SEMA5B: variants seen among roughly 807,000 people sequenced by gnomAD.
SEMA5B encodes the protein semaphorin-5B.
A neutral mutation model predicts 135.0 loss-of-function variants in SEMA5B; 66 were observed. That is an observed-to-expected ratio of 0.49 (90% CI 0.40 to 0.60). The LOEUF (loss-of-function observed/expected upper bound fraction) is 0.60, where lower values mean the gene tolerates loss of function less well. SEMA5B is among the 20% of genes least tolerant of loss of function. SEMA5B has a pLI of 0.00. For missense variants in SEMA5B, 1,501 were observed against 1,566.3 expected (o/e 0.96, Z 0.70); for synonymous variants, 690 against 639.5 (o/e 1.08, Z -1.19).
At chr3:123,015,574 G>T (rs1194512781) in intron 1 of SEMA5B, among the ~76,000 whole-genome samples, 2 of 152,214 alleles carry the variant, frequency 1.3e-5, no homozygotes, top group Non-Finnish European at 2.9e-5. Flanking sequence ...GAGGTGGCAG[G>T]CTCATCAACT....
At chr3:122,961,755 C>T (rs1940593586) in intron 1 of SEMA5B, among the ~76,000 whole-genome samples, 1 of 152,198 alleles carries the variant, frequency 6.6e-6, no homozygotes, top group East Asian at 1.9e-4. Context: ...AAAGAGACTA[C>T]AAGCGTGAGC....
chr3:122,923,822 G>A (rs1938493731), intron 9 of SEMA5B, 70 bp from the exon 10 acceptor site: 3 of 1,566,770 alleles, frequency 1.9e-6, no homozygotes, highest in African/African-American at 2.7e-5. Context: ...AAACCCCACA[G>A]CCAGCTGTCA....
chr3:123,025,388 G>T (rs1942774919), intron 1 of SEMA5B, among the ~76,000 whole-genome samples: 1 of 152,178 alleles, frequency 6.6e-6, no homozygotes, highest in African/African-American at 2.4e-5. Flanking sequence ...ATAGACAAGT[G>T]TCTCAGGATC....
chr3:122,936,324 A>G (rs1283049132), intron 5 of SEMA5B, among the ~76,000 whole-genome samples: 3 of 152,174 alleles, frequency 2.0e-5, no homozygotes, highest in Non-Finnish European at 4.4e-5. Flanking sequence ...ACAATGGCTG[A>G]ATGTCAACGC....
rs1249841753 is a variant in SEMA5B, at chr3:122,951,036, C to T, written c.125-2327G>A. 3.3e-5 allele frequency among the ~76,000 whole-genome samples: 5 copies of T among 152,134 alleles called. No individual in the cohort carries two copies. In the East Asian group the frequency reaches 5.8e-4, roughly 18 times the overall value. On this transcript the variant is annotated intron_variant, in intron 2 of 22. Transcript: ENST00000357599. ...GCAGTCTTGACCTCCTGGACTCAAGCGATCCTTCCAGCTCAGCCTCTCTAG... is the reference window on the plus strand; with the variant it reads ...GCAGTCTTGACCTCCTGGACTCAAGTGATCCTTCCAGCTCAGCCTCTCTAG...
chr3:123,021,245 G>A (rs1001641387), intron 1 of SEMA5B, among the ~76,000 whole-genome samples: 2 of 152,140 alleles, frequency 1.3e-5, no homozygotes, highest in Admixed American at 6.5e-5. Context: ...TCCTGCTTTC[G>A]GGCAGAAATA....
At position 123,009,609 on chromosome 3, in the gene SEMA5B, C is replaced by G. The variant is rs115006643; in HGVS notation, c.-39+17855G>C. ...ACAATGCTATTCCATGGTTGCTCCA[C>G]ACAGCACCCAGCCAGTGTCCCTTGC... On this transcript the variant is annotated intron_variant, in intron 1 of 22. Transcript: ENST00000357599. 8.7e-3 allele frequency among the ~76,000 whole-genome samples: 1,320 copies of G among 152,264 alleles called. 16 individuals are homozygous for G. Among genetic ancestry groups the G allele is most frequent in the African/African-American group, 0.028 (1,175 of 41,546 alleles).
chr3:122,911,297 G>C, intron 21 of SEMA5B, 194 bp downstream of exon 21: 1 of 1,469,196 alleles, frequency 6.8e-7, no homozygotes, highest in Non-Finnish European at 9.1e-7. Context: ...CTTGGGTACA[G>C]ACTGATGATG....
At chr3:122,988,087 G>T (rs1337899438) in intron 1 of SEMA5B, among the ~76,000 whole-genome samples, 2 of 152,068 alleles carry the variant, frequency 1.3e-5, no homozygotes, top group Non-Finnish European at 2.9e-5. Flanking sequence ...CCTGGCTGCT[G>T]GCCCCCAGCC....
chr3:122,951,516 C>A (rs1450229625), intron 2 of SEMA5B, among the ~76,000 whole-genome samples: 1 of 152,218 alleles, frequency 6.6e-6, no homozygotes, highest in Admixed American at 6.5e-5. Flanking sequence ...ATTTGTCTAA[C>A]TTGTCGCCTT....
chr3:122,929,060 T>C lies in SEMA5B; in HGVS notation c.475-2A>G, dbSNP rs2107658672. 1 of 1,611,310 alleles carries C rather than the reference T, an allele frequency of 6.2e-7. No homozygotes were observed. The highest frequency in any genetic ancestry group is 2.2e-5 in the East Asian group (1 of 44,842). ...CTCACTGGAGGCCCACTCTGTGGCCTGGGGGAGGAACATAGGAGCACACAG... is the reference window on the plus strand; with the variant it reads ...CTCACTGGAGGCCCACTCTGTGGCCCGGGGGAGGAACATAGGAGCACACAG... On this transcript the variant is annotated splice_acceptor_variant, in intron 5 of 22. Coordinates refer to ENST00000357599, the MANE Select transcript of SEMA5B (RefSeq NM_001031702.4). LOFTEE classifies it high-confidence loss of function.
At chr3:122,954,401 G>A (rs754680555) in intron 2 of SEMA5B, among the ~76,000 whole-genome samples, 109 of 152,314 alleles carry the variant, frequency 7.2e-4, no homozygotes, top group Admixed American at 1.4e-3. Flanking sequence ...AAAATTTCCC[G>A]TTTTTACTTA....
At chr3:122,949,892 T>C (rs1647839854) in intron 2 of SEMA5B, among the ~76,000 whole-genome samples, 1 of 152,190 alleles carries the variant, frequency 6.6e-6, no homozygotes, top group South Asian at 2.1e-4. Flanking sequence ...CTCCACTCCC[T>C]AGCCCCACTG....
chr3:123,002,163 G>T (rs1175940459), intron 1 of SEMA5B, among the ~76,000 whole-genome samples: 1 of 152,226 alleles, frequency 6.6e-6, no homozygotes, highest in Non-Finnish European at 1.5e-5. Flanking sequence ...CATGGGGAGA[G>T]AGCAAGGGAA....
At chr3:122,942,676 G>C (rs879656060) in intron 4 of SEMA5B, among the ~76,000 whole-genome samples, 1 of 152,212 alleles carries the variant, frequency 6.6e-6, no homozygotes, top group Non-Finnish European at 1.5e-5. Context: ...TCTCAAACTT[G>C]AGTGTGGTCA....
At chr3:123,024,900 ACT>A (rs1196114438) in intron 1 of SEMA5B, among the ~76,000 whole-genome samples, 1 of 152,050 alleles carries the variant, frequency 6.6e-6, no homozygotes, top group Non-Finnish European at 1.5e-5. Context: ...AAGCTGGGCC[ACT>A]CTAATTGCCT....
chr3:123,021,227 C>T (rs747730662), intron 1 of SEMA5B, among the ~76,000 whole-genome samples: 1 of 152,316 alleles, frequency 6.6e-6, no homozygotes, highest in Middle Eastern at 3.4e-3. Context: ...TGGTATTTTC[C>T]TCTTCTGTCC....
chr3:122,966,241 C>T (rs1020186413), intron 1 of SEMA5B, among the ~76,000 whole-genome samples: 1 of 152,172 alleles, frequency 6.6e-6, no homozygotes, highest in Non-Finnish European at 1.5e-5. Context: ...ATACCACTTC[C>T]TTTTTCAGCC....
At chr3:122,995,743 G>C (rs1340123631) in intron 1 of SEMA5B, among the ~76,000 whole-genome samples, 11 of 152,190 alleles carry the variant, frequency 7.2e-5, no homozygotes, top group Admixed American at 7.2e-4. Context: ...CCAACAATTG[G>C]CTGGGCTGCT....
Sources: gnomAD v4.1 joint callset for allele counts (sites outside exome capture counted in the v4.1 genomes callset) on GRCh38, gnomAD v4.1.1 for gene constraint, MANE v1.5 for transcripts, NCBI Gene and HGNC (gene_info 2026-07-23, HGNC 2026-07-21) for gene names.